Variants in RBFOX1 observed in about 807,000 individuals in gnomAD.
RBFOX1 encodes the protein RNA binding fox-1 homolog 1, also known as RNA binding protein fox-1 homolog 1.
In RBFOX1, 8 loss-of-function variants were observed where a neutral mutation model predicts 57.7. That is an observed-to-expected ratio of 0.14 (90% CI 0.08 to 0.25). The LOEUF (loss-of-function observed/expected upper bound fraction) is 0.25. RBFOX1 is among the 10% of genes least tolerant of loss of function. The pLI, the probability that RBFOX1 is intolerant of heterozygous loss-of-function variation, is 1.00. For synonymous variants in RBFOX1, 326 were observed against 222.4 expected, an observed-to-expected ratio of 1.47 and a Z score of -4.15; for missense variants, 611 against 548.5, an observed-to-expected ratio of 1.11 and a Z score of -1.14.
At chr16:5,430,101 A>C (rs556184776) in intron 1 of RBFOX1, among the ~76,000 whole-genome samples, 1 of 152,182 alleles carries the variant, frequency 6.6e-6, no homozygotes, top group Non-Finnish European at 1.5e-5. Context: ...TCCTCTGACA[A>C]ATTCTCCACT....
In RBFOX1 at chr16:7,710,858, ATAC is replaced by A. The variant is rs1472729944; in HGVS notation, c.*114_*116del. On this transcript the variant is annotated 3_prime_UTR_variant, in exon 16 of 16. Coordinates refer to ENST00000550418, the MANE Select transcript of RBFOX1 (RefSeq NM_018723.4). ...TTTAGCAACTCTAAAAAAAAAAAAA[ATAC>A]AAATAAAAAGGAAAAAAAATTACAT... 14 of 1,042,994 alleles carry A rather than the reference ATAC, an allele frequency of 1.3e-5. No individual in the cohort carries two copies. Among genetic ancestry groups the A allele is most frequent in the African/African-American group, 1.7e-5 (1 of 58,018 alleles). The allele number at this position is 1,042,994 out of a possible 1,614,324, so 64.6% of individuals were successfully genotyped here.
intron 1 of RBFOX1, among the ~76,000 whole-genome samples, chr16:6,074,089 T>C (rs916967148): frequency 3.3e-5 from 5 of 151,970 alleles, no homozygotes; most frequent in Non-Finnish European, 5.9e-5. Flanking sequence ...GCTGGGACTA[T>C]AGGCGCCCGC....
At chr16:7,017,192 A>G (rs2093959685) in intron 3 of RBFOX1, among the ~76,000 whole-genome samples, 1 of 152,176 alleles carries the variant, frequency 6.6e-6, no homozygotes, top group South Asian at 2.1e-4. Flanking sequence ...ATCTGCTTCA[A>G]GTGTTGGCGA....
chr16:7,294,807 G>A (rs563113150), intron 4 of RBFOX1, among the ~76,000 whole-genome samples: 19 of 152,166 alleles, frequency 1.2e-4, no homozygotes, highest in African/African-American at 4.6e-4. Flanking sequence ...TGATGACAGT[G>A]GTGATTTTGT....
At chr16:6,891,144 C>A (rs2065318644) in intron 3 of RBFOX1, among the ~76,000 whole-genome samples, 2 of 152,188 alleles carry the variant, frequency 1.3e-5, no homozygotes, top group South Asian at 4.1e-4. Flanking sequence ...AAAGCCTACT[C>A]ATGTCTTCCA....
intron 1 of RBFOX1, among the ~76,000 whole-genome samples, chr16:6,151,184 G>T (rs2096794901): frequency 6.6e-6 from 1 of 152,158 alleles, no homozygotes; most frequent in Non-Finnish European, 1.5e-5. Flanking sequence ...AGAGGAGGTG[G>T]ACATCTATTT....
chr16:5,959,648 T>A (rs1490523189), intron 4 of RBFOX1, among the ~76,000 whole-genome samples: 1 of 152,106 alleles, frequency 6.6e-6, no homozygotes, highest in East Asian at 1.9e-4. Flanking sequence ...TAAGGATGTG[T>A]AAGGAATGAC....
intron 1 of RBFOX1, among the ~76,000 whole-genome samples, chr16:6,075,083 T>C (rs563934115): frequency 1.5e-3 from 224 of 152,290 alleles, no homozygotes; most frequent in African/African-American, 5.3e-3. Context: ...GGATGGTCAA[T>C]AATAAAGAAT....
At chr16:5,684,265 C>G (rs1222469290) in intron 3 of RBFOX1, among the ~76,000 whole-genome samples, 1 of 152,050 alleles carries the variant, frequency 6.6e-6, no homozygotes, top group Non-Finnish European at 1.5e-5. Context: ...AGTTGGCAGA[C>G]AGAATCTAAC....
intron 4 of RBFOX1, among the ~76,000 whole-genome samples, chr16:7,271,483 A>G (rs549736124): frequency 6.6e-6 from 1 of 151,936 alleles, no homozygotes; most frequent in Non-Finnish European, 1.5e-5. Flanking sequence ...GTTTCTTTGT[A>G]TCACTTGGTT....
At chr16:7,422,151 TGTGTACGTGTGCGTGTGTGTGC>T (rs1239494297) in intron 4 of RBFOX1, among the ~76,000 whole-genome samples, 2 of 152,164 alleles carry the variant, frequency 1.3e-5, no homozygotes, top group African/African-American at 4.8e-5. Flanking sequence ...TGTGTATGTT[TGTGTACGTGTGCGTGTGTGTGC>T]GTGTGCTTGT....
chr16:6,394,843 G>A (rs564218234), intron 2 of RBFOX1, among the ~76,000 whole-genome samples: 41 of 152,234 alleles, frequency 2.7e-4, no homozygotes, highest in African/African-American at 9.9e-4. Flanking sequence ...GTTTGGGAAG[G>A]AGAAACTAAC....
rs59298027 is a variant in RBFOX1, at chr16:5,622,560, T to C, written c.318+23599T>C. Among the ~76,000 whole-genome samples the C allele has an allele frequency of 6.1e-3, 925 of 152,336 alleles. 10 individuals carry two copies. The highest frequency in any genetic ancestry group is 0.02 in the African/African-American group (831 of 41,578). ...TGTCCTTTTCTCTAGTGGTACTTTTTAAAAAATCCATTTATTTGCTTAGAC... is the reference window on the plus strand; with the variant it reads ...TGTCCTTTTCTCTAGTGGTACTTTTCAAAAAATCCATTTATTTGCTTAGAC... On this transcript the variant is annotated intron_variant, in intron 3 of 19. Coordinates refer to the RBFOX1 transcript ENST00000641259.
intron 1 of RBFOX1, among the ~76,000 whole-genome samples, chr16:6,180,325 T>C (rs771349552): frequency 6.6e-6 from 1 of 152,102 alleles, no homozygotes; most frequent in South Asian, 2.1e-4. Context: ...TATTCAGATT[T>C]TCTATTTCCT....
chr16:5,524,025 C>T (rs768860836), intron 2 of RBFOX1, among the ~76,000 whole-genome samples: 3 of 152,202 alleles, frequency 2.0e-5, no homozygotes, highest in Non-Finnish European at 4.4e-5. Flanking sequence ...CTAGATAATC[C>T]GCCAGCACCT....
At chr16:6,710,474 C>A (rs183435168) in intron 3 of RBFOX1, among the ~76,000 whole-genome samples, 1 of 152,176 alleles carries the variant, frequency 6.6e-6, no homozygotes, top group Admixed American at 6.5e-5. Context: ...GCGTTTCATG[C>A]TGACAGTGCA....
intron 3 of RBFOX1, among the ~76,000 whole-genome samples, chr16:5,723,246 C>G (rs77593132): frequency 0.019 from 2,909 of 152,316 alleles, 99 homozygotes; most frequent in African/African-American, 0.065. Flanking sequence ...AGCACAGTGA[C>G]TGCTCCAAGG....
intron 4 of RBFOX1, among the ~76,000 whole-genome samples, chr16:5,936,686 C>T (rs2059175110): frequency 6.6e-6 from 1 of 152,176 alleles, no homozygotes; most frequent in Non-Finnish European, 1.5e-5. Context: ...TCATTCTCCA[C>T]CCAACTTCCT....
At chr16:5,359,359 G>C (rs957111902) in intron 1 of RBFOX1, among the ~76,000 whole-genome samples, 1 of 152,146 alleles carries the variant, frequency 6.6e-6, no homozygotes, top group Non-Finnish European at 1.5e-5. Context: ...TCATATGGTA[G>C]CTCCACTTTT....
Sources: allele counts gnomAD v4.1 joint callset (sites outside exome capture counted in the v4.1 genomes callset), GRCh38; gene constraint gnomAD v4.1.1; transcripts MANE v1.5; gene names NCBI Gene and HGNC (gene_info 2026-07-23, HGNC 2026-07-21).